The following LINGO2 variants were observed in gnomAD, a reference collection of about 807,000 sequenced individuals.
The protein encoded by LINGO2 is leucine rich repeat and Ig domain containing 2.
LINGO2 carries 14 observed loss-of-function variants against 30.6 expected under a neutral mutation model. The observed-to-expected ratio is 0.46, with a 90% CI of 0.30 to 0.72. The LOEUF (loss-of-function observed/expected upper bound fraction) is 0.72, where lower values mean the gene tolerates loss of function less well. Among genes scored for constraint, LINGO2 ranks in the 30% least tolerant of loss-of-function variants. The pLI, the probability that LINGO2 is intolerant of heterozygous loss-of-function variation, is 0.07. For missense variants in LINGO2, 729 were observed against 751.7 expected, an observed-to-expected ratio of 0.97 and a Z score of 0.35; for synonymous variants, 317 against 288.5, an observed-to-expected ratio of 1.10 and a Z score of -1.00.
the LINGO2 span, among the ~76,000 whole-genome samples, chr9:28,734,582 T>A: frequency 1.3e-5 from 2 of 152,126 alleles, no homozygotes; most frequent in Non-Finnish European, 2.9e-5. Context: ...AATGGTAGAT[T>A]CGCAGCTCAA....
the LINGO2 span, among the ~76,000 whole-genome samples, chr9:28,799,423 G>A: frequency 6.6e-6 from 1 of 152,124 alleles, no homozygotes; most frequent in Non-Finnish European, 1.5e-5. Context: ...GGATGCATGG[G>A]AGGCTGTACC....
chr9:29,204,622 T>C, the LINGO2 span, among the ~76,000 whole-genome samples: 1 of 152,232 alleles, frequency 6.6e-6, no homozygotes, highest in African/African-American at 2.4e-5. Context: ...CATGATGGTA[T>C]TTAAAGAACT....
chr9:28,770,254 G>A, the LINGO2 span, among the ~76,000 whole-genome samples: 5 of 152,178 alleles, frequency 3.3e-5, no homozygotes, highest in East Asian at 3.9e-4. Flanking sequence ...ATTGGAGTAC[G>A]TGAAACCCAT....
intron 2 of LINGO2, among the ~76,000 whole-genome samples, chr9:28,461,780 C>T (rs1380400748): frequency 6.6e-6 from 1 of 152,114 alleles, no homozygotes; most frequent in Non-Finnish European, 1.5e-5. Flanking sequence ...GTAGTAGTTC[C>T]TGATTATATC....
chr9:28,797,193 A>C, the LINGO2 span, among the ~76,000 whole-genome samples: 2 of 151,554 alleles, frequency 1.3e-5, no homozygotes, highest in African/African-American at 4.8e-5. Flanking sequence ...AATATTGATT[A>C]AATATGAATT....
chr9:28,514,362 A>G (rs1402316329), intron 1 of LINGO2, among the ~76,000 whole-genome samples: 1 of 152,244 alleles, frequency 6.6e-6, no homozygotes, highest in Non-Finnish European at 1.5e-5. Context: ...GAAAGCTAAG[A>G]TAGGCTGAAA....
intron 4 of LINGO2, among the ~76,000 whole-genome samples, chr9:28,187,622 GATTA>G (rs1418226058): frequency 6.6e-6 from 1 of 152,116 alleles, no homozygotes; most frequent in Non-Finnish European, 1.5e-5. Flanking sequence ...AAAGAGGAGA[GATTA>G]ATTTCCGATA....
the LINGO2 span, among the ~76,000 whole-genome samples, chr9:29,120,898 C>T: frequency 6.6e-6 from 1 of 152,056 alleles, no homozygotes; most frequent in Admixed American, 6.6e-5. Context: ...GCTGTCAGCA[C>T]CATAAATGGT....
At chr9:28,529,610 T>TTA (rs1447743841) in intron 1 of LINGO2, among the ~76,000 whole-genome samples, 1 of 151,144 alleles carries the variant, frequency 6.6e-6, no homozygotes, top group Non-Finnish European at 1.5e-5. Context: ...CAAATACTTT[T>TTA]TTTTTTTTTT....
intron 2 of LINGO2, among the ~76,000 whole-genome samples, chr9:28,413,011 A>C (rs1432047201): frequency 6.6e-6 from 1 of 151,844 alleles, no homozygotes; most frequent in Non-Finnish European, 1.5e-5. Flanking sequence ...TAGTAAATAC[A>C]TTTTCTCTTC....
At chr9:28,779,148 A>T in the LINGO2 span, among the ~76,000 whole-genome samples, 3 of 152,210 alleles carry the variant, frequency 2.0e-5, no homozygotes, top group South Asian at 2.1e-4. Context: ...TGCATGCAAA[A>T]GAATTTCTAG....
intron 3 of LINGO2, among the ~76,000 whole-genome samples, chr9:28,354,885 A>C (rs942356137): frequency 6.6e-6 from 1 of 152,140 alleles, no homozygotes; most frequent in African/African-American, 2.4e-5. Flanking sequence ...TAGTGATATC[A>C]TATAAAAAAT....
chr9:28,989,248 T>C, the LINGO2 span, among the ~76,000 whole-genome samples: 2 of 152,244 alleles, frequency 1.3e-5, no homozygotes, highest in African/African-American at 4.8e-5. Flanking sequence ...GTTGTTTAGA[T>C]GACTTCTAAT....
intron 4 of LINGO2, among the ~76,000 whole-genome samples, chr9:28,042,658 T>G (rs772671700): frequency 9.2e-5 from 14 of 152,146 alleles, no homozygotes; most frequent in Non-Finnish European, 1.5e-4. Context: ...AATTCATATA[T>G]TCAATCTATT....
chr9:28,327,556 T>C (rs1825273932), intron 3 of LINGO2, among the ~76,000 whole-genome samples: 1 of 152,210 alleles, frequency 6.6e-6, no homozygotes, highest in African/African-American at 2.4e-5. Flanking sequence ...TGGCCCAGTG[T>C]TTAATTACCA....
At chr9:27,999,435 TCAGAGA>T (rs1324424772) in intron 5 of LINGO2, among the ~76,000 whole-genome samples, 17 of 103,016 alleles carry the variant, frequency 1.7e-4, no homozygotes, top group African/African-American at 4.9e-4. Context: ...TGCCTAATCT[TCAGAGA>T]GAGAGAGAGA....
At chr9:28,028,199 G>A (rs1005886966) in intron 4 of LINGO2, among the ~76,000 whole-genome samples, 5 of 152,114 alleles carry the variant, frequency 3.3e-5, no homozygotes, top group African/African-American at 1.2e-4. Flanking sequence ...GGCTTATATA[G>A]AAAACATACC....
At chr9:27,952,556 A>G (rs191408473) in intron 5 of LINGO2, among the ~76,000 whole-genome samples, 8 of 152,140 alleles carry the variant, frequency 5.3e-5, no homozygotes, top group Admixed American at 3.9e-4. Flanking sequence ...ACAAAACTAT[A>G]ATAATAAATC....
chr9:28,564,243 C>G (rs1823249563), intron 1 of LINGO2, among the ~76,000 whole-genome samples: 1 of 152,034 alleles, frequency 6.6e-6, no homozygotes, highest in Non-Finnish European at 1.5e-5. Context: ...ATTATTGAAG[C>G]ATCCTGCACT....
Sources: allele counts gnomAD v4.1 joint callset (sites outside exome capture counted in the v4.1 genomes callset), GRCh38; gene constraint gnomAD v4.1.1; transcripts MANE v1.5; gene names NCBI Gene and HGNC (gene_info 2026-07-23, HGNC 2026-07-21).